KIAA0319: variants seen among roughly 807,000 people sequenced by gnomAD.
KIAA0319 encodes KIAA0319.
In KIAA0319, 83 loss-of-function variants were observed where a neutral mutation model predicts 108.4. That is an observed-to-expected ratio of 0.77 (90% CI 0.64 to 0.92). KIAA0319 has a LOEUF of 0.92. Ranked by LOEUF, KIAA0319 falls within the 40% of genes least tolerant of loss-of-function variation. The pLI, the probability that KIAA0319 is intolerant of heterozygous loss-of-function variation, is 0.00. For synonymous variants in KIAA0319, 484 were observed against 510.4 expected (o/e 0.95, Z 0.70); for missense variants, 1,195 against 1,322.4 (o/e 0.90, Z 1.49).
chr6:24,627,907 G>A (rs1774938799), intron 1 of KIAA0319, among the ~76,000 whole-genome samples: 1 of 152,180 alleles, frequency 6.6e-6, no homozygotes, highest in Non-Finnish European at 1.5e-5. Flanking sequence ...TCAAATAACA[G>A]CATAAATGTT....
At chr6:24,622,319 T>TAA (rs5874995) in intron 1 of KIAA0319, among the ~76,000 whole-genome samples, 4,963 of 114,546 alleles carry the variant, frequency 0.043, 144 homozygotes, top group Middle Eastern at 0.058. Flanking sequence ...TTTGAGAAAT[T>TAA]AAAAAAAAAA....
Position 24,602,812 on chromosome 6 carries a change from AAAAAG to A in KIAA0319, c.-105-1609_-105-1605del, listed in dbSNP as rs768565571. Among the ~76,000 whole-genome samples the A allele has an allele frequency of 3.9e-5, 6 of 152,202 alleles. No individual in the cohort carries two copies. In the East Asian group the frequency reaches 1.2e-3, roughly 29 times the overall value. ...CGAGACCCCGTCTCAAAAAAAACAA[AAAAAG>A]AAAAGAAAAAAAGAAATGCTTCATC... On this transcript the variant is annotated intron_variant, in intron 1 of 20. Coordinates refer to ENST00000378214, the MANE Select transcript of KIAA0319 (RefSeq NM_014809.4).
downstream of KIAA0319, among the ~76,000 whole-genome samples, chr6:24,540,927 T>G (rs1760174376): frequency 1.4e-5 from 2 of 146,722 alleles, no homozygotes; most frequent in Admixed American, 6.7e-5. Flanking sequence ...TCACTCGTTT[T>G]TATGTGCACT....
rs1770211223 is a variant in KIAA0319 at position 24,599,114 on chromosome 6, G to C, written c.55+1935C>G. On this transcript the variant is annotated intron_variant, in intron 2 of 20. Transcript: ENST00000378214. The surrounding 1 kb of genome is among the most constrained non-coding windows in gnomAD (Gnocchi z 4.1). ...TGTCCATGGACAACAGCTGGTCCCT[G>C]GACATGGACAGCATCATTGCTGAGG... is the stretch of plus-strand genomic sequence containing the variant. 3.0e-6 allele frequency: 2 copies of C among 675,222 alleles called. No homozygotes were observed. Among genetic ancestry groups the C allele is most frequent in the Non-Finnish European group, 5.2e-6 (2 of 381,362 alleles). The allele number at this position is 675,222 out of a possible 1,614,324, so 41.8% of individuals were successfully genotyped here.
At chr6:24,642,722 ATTT>A (rs34139616) in intron 1 of KIAA0319, among the ~76,000 whole-genome samples, 4,359 of 148,850 alleles carry the variant, frequency 0.029, 193 homozygotes, top group African/African-American at 0.098. Context: ...CCTTTGCTGC[ATTT>A]TTTTTTTTTT....
At chr6:24,601,935 C>T (rs763189461) in intron 1 of KIAA0319, among the ~76,000 whole-genome samples, 27 of 152,196 alleles carry the variant, frequency 1.8e-4, no homozygotes, top group Admixed American at 7.8e-4. Flanking sequence ...TTTTATATTT[C>T]ATCTGGCCAT....
At chr6:24,550,942 C>T (rs1249134319) in intron 20 of KIAA0319, among the ~76,000 whole-genome samples, 2 of 152,098 alleles carry the variant, frequency 1.3e-5, no homozygotes, top group Non-Finnish European at 2.9e-5. Context: ...CTGCCCCCAC[C>T]CCCGCATTAG....
chr6:24,607,312 TGCCATTGCA>T (rs2127544984), intron 1 of KIAA0319, among the ~76,000 whole-genome samples: 1 of 152,130 alleles, frequency 6.6e-6, no homozygotes, highest in Admixed American at 6.5e-5. Flanking sequence ...GCCGAGATCG[TGCCATTGCA>T]CTCCAGCCTG....
intron 1 of KIAA0319, among the ~76,000 whole-genome samples, chr6:24,634,891 C>G (rs1286975860): frequency 3.3e-5 from 5 of 152,098 alleles, no homozygotes; most frequent in African/African-American, 1.2e-4. Context: ...GAAAACCTGG[C>G]TAGAGGGGAA....
rs1290812117 is a variant in KIAA0319, at chr6:24,546,159, T to G, written c.*1006A>C. On this transcript the variant is annotated 3_prime_UTR_variant, in exon 21 of 21. Transcript: ENST00000378214. ...TTTTTAAACATATGAAGTGAATACA[T>G]CTATGTCAAGTTATTTTGGAAAGTA... The G allele has an allele frequency of 3.9e-5, 6 of 152,194 alleles. No individual in the cohort carries two copies. Among genetic ancestry groups the G allele is most frequent in the African/African-American group, 7.2e-5 (3 of 41,446 alleles). 9.4% of individuals were successfully genotyped at this position (152,194 alleles called of 1,614,324 possible).
intron 3 of KIAA0319, among the ~76,000 whole-genome samples, chr6:24,591,496 G>A (rs968186259): frequency 2.0e-5 from 3 of 152,086 alleles, no homozygotes; most frequent in Non-Finnish European, 4.4e-5. Flanking sequence ...AGCTACTCAA[G>A]AGGCTGAGGT....
Position 24,625,041 on chromosome 6 carries a change from G to A in KIAA0319, c.-106+20695C>T, listed in dbSNP as rs145207656. On this transcript the variant is annotated intron_variant, in intron 1 of 20. Coordinates refer to ENST00000378214, the MANE Select transcript of KIAA0319 (RefSeq NM_014809.4). ...AGCTGCACCACTGCATGCCAGCATG[G>A]GCAACAGAATGAGCTCCCCTCTCTA... Among the ~76,000 whole-genome samples, 483 of 152,206 alleles carry A rather than the reference G, an allele frequency of 3.2e-3. 3 individuals are homozygous for A. The highest frequency in any genetic ancestry group is 0.01 in the African/African-American group (433 of 41,516).
intron 1 of KIAA0319, among the ~76,000 whole-genome samples, chr6:24,637,992 A>G (rs1319009030): frequency 1.3e-5 from 2 of 152,224 alleles, no homozygotes; most frequent in African/African-American, 4.8e-5. Flanking sequence ...TTCCCAACAC[A>G]GAGCACATAG....
At chr6:24,595,798 C>G (rs1769443675) in intron 3 of KIAA0319, 75 bp downstream of exon 3, 1 of 1,488,616 alleles carries the variant, frequency 6.7e-7, no homozygotes, top group Non-Finnish European at 9.0e-7. Context: ...GTGCCCGGCT[C>G]CTGAAACTCA....
Position 24,576,437 on chromosome 6 carries a change from G to C in KIAA0319, c.1665C>G (p.Asp555Glu). The change falls in exon 10 of 21, where the codon GAC becomes GAG. Residue 555 changes from aspartate (D) to glutamate (E), a missense_variant. Physicochemically the swap from Asp to Glu is conservative, Grantham distance 45 (BLOSUM62 2). Coordinates refer to ENST00000378214, the MANE Select transcript of KIAA0319 (RefSeq NM_014809.4). ...ACTCATAGAGGACAATCTGGTGATC[G>C]TCACTGCTCTGGTTTCCATTCAAAG... ...SITLNGNQSS[D>E]DHQIVLYEWS... 1.9e-6 allele frequency: 3 copies of C among 1,614,144 alleles called. No individual in the cohort carries two copies. Among genetic ancestry groups the C allele is most frequent in the Non-Finnish European group, 2.5e-6 (3 of 1,180,018 alleles).
At chr6:24,555,496 C>CAAAA (rs34005198) in intron 18 of KIAA0319, among the ~76,000 whole-genome samples, 5 of 80,874 alleles carry the variant, frequency 6.2e-5, no homozygotes, top group African/African-American at 8.4e-5. Flanking sequence ...GACTCCATCT[C>CAAAA]AAAAAAAAAA....
Position 24,578,131 on chromosome 6 carries a change from T to G in KIAA0319, c.1484A>C (p.Asp495Ala). 4 of 1,612,106 alleles carry G rather than the reference T, an allele frequency of 2.5e-6. No homozygotes were observed. The highest frequency in any genetic ancestry group is 3.4e-6 in the Non-Finnish European group (4 of 1,179,144). Residue 495 changes from aspartate to alanine, a missense_variant, in exon 9 of 21, where the codon GAT becomes GCT. Coordinates refer to ENST00000378214, the MANE Select transcript of KIAA0319 (RefSeq NM_014809.4). ...DSPVLRLSNL[D>A]PGNYSFRLTV... ...TTGCCTGAAACTATAGTTACCAGGA[T>G]CAAGGTTAGACAAGCGTAAGACGGG...
At position 24,578,208 on chromosome 6, in the gene KIAA0319, A is replaced by T. The variant is rs751677686; in HGVS notation, c.1407T>A (p.His469Gln). The change falls in exon 9 of 21, where the codon CAT (histidine) becomes CAA (glutamine). Residue 469 changes from histidine (H) to glutamine (Q), a missense_variant. Coordinates refer to ENST00000378214, the MANE Select transcript of KIAA0319 (RefSeq NM_014809.4). The part of the protein sequence containing the change: ...STDDTEIVSY[H>Q]WEEINGPFIE... ...TGAAGGGCCCGTTTATTTCTTCCCA[A>T]TGATAACTCACTATTTCAGTATCAT... The T allele has an allele frequency of 2.3e-5, 37 of 1,606,034 alleles. 1 individual carries two copies. The East Asian group carries it at 8.3e-4, about 36-fold the overall frequency.
Position 24,605,612 on chromosome 6 carries a change from C to G in KIAA0319, c.-105-4404G>C, listed in dbSNP as rs73727346. 6.2e-3 allele frequency among the ~76,000 whole-genome samples: 950 copies of G among 152,182 alleles called. 13 individuals are homozygous for G. Among genetic ancestry groups the G allele is most frequent in the African/African-American group, 0.021 (874 of 41,516 alleles). On this transcript the variant is annotated intron_variant, in intron 1 of 20. Coordinates refer to ENST00000378214, the MANE Select transcript of KIAA0319 (RefSeq NM_014809.4). ...GACAAAATAGAACTTTTAAAATAAGCCTTCACAAGTTCAAAATGTTATAAA... is the reference window on the plus strand; with the variant it reads ...GACAAAATAGAACTTTTAAAATAAGGCTTCACAAGTTCAAAATGTTATAAA...
Sources: gnomAD v4.1 joint callset for allele counts (sites outside exome capture counted in the v4.1 genomes callset) on GRCh38, gnomAD v4.1.1 for gene constraint, Gnocchi (gnomAD v3.1) non-coding constraint, MANE v1.5 for transcripts, NCBI Gene and HGNC (gene_info 2026-07-23, HGNC 2026-07-21) for gene names.